Variants in GLIS3 observed in about 807,000 individuals in gnomAD.
GLIS3 encodes the protein GLIS family zinc finger 3, also known as zinc finger protein GLIS3.
A neutral mutation model predicts 78.6 loss-of-function variants in GLIS3; 53 were observed. That is an observed-to-expected ratio of 0.67 (90% CI 0.54 to 0.85). The LOEUF is 0.85. Among genes scored for constraint, GLIS3 ranks in the 40% least tolerant of loss-of-function variants. The probability of loss-of-function intolerance (pLI) is 0.00; values close to 1 mark genes in which losing one functional copy is unlikely to be tolerated. For missense variants in GLIS3, 1,703 were observed against 1,231.1 expected, an observed-to-expected ratio of 1.38 and a Z score of -5.74; for synonymous variants, 684 against 509.9, an observed-to-expected ratio of 1.34 and a Z score of -4.60.
At chr9:4,260,518 G>C (rs369125431) in intron 2 of GLIS3, among the ~76,000 whole-genome samples, 20 of 149,552 alleles carry the variant, frequency 1.3e-4, no homozygotes, top group East Asian at 9.8e-4. Context: ...AGTTAGCCAA[G>C]ATTGTGCCAC....
At chr9:4,190,071 C>T (rs1486285392) in intron 2 of GLIS3, among the ~76,000 whole-genome samples, 1 of 152,040 alleles carries the variant, frequency 6.6e-6, no homozygotes, top group African/African-American at 2.4e-5. Flanking sequence ...GATAAAACCA[C>T]AAAGATGGGG....
At chr9:3,899,830 A>G (rs1415144422) in intron 6 of GLIS3, among the ~76,000 whole-genome samples, 1 of 152,244 alleles carries the variant, frequency 6.6e-6, no homozygotes, top group Non-Finnish European at 1.5e-5. Context: ...GGGGAAGCAG[A>G]TGATGAACAA....
intron 6 of GLIS3, among the ~76,000 whole-genome samples, chr9:3,902,735 C>A (rs1323914414): frequency 2.0e-5 from 3 of 152,122 alleles, no homozygotes; most frequent in Non-Finnish European, 4.4e-5. Flanking sequence ...CCACTAGTCT[C>A]TAAGAATTTT....
chr9:4,105,653 G>A (rs552852221), intron 4 of GLIS3, among the ~76,000 whole-genome samples: 13 of 152,150 alleles, frequency 8.5e-5, no homozygotes, highest in Admixed American at 3.9e-4. Context: ...CATTTTTTCC[G>A]AAGTTCTGAA....
intron 2 of GLIS3, among the ~76,000 whole-genome samples, chr9:4,161,792 C>T (rs553536990): frequency 3.3e-5 from 5 of 151,602 alleles, no homozygotes; most frequent in Non-Finnish European, 5.9e-5. Context: ...CAATCCTCCC[C>T]ACTCAGCCTC....
intron 4 of GLIS3, among the ~76,000 whole-genome samples, chr9:4,110,564 C>T (rs1831126955): frequency 6.6e-6 from 1 of 152,182 alleles, no homozygotes; most frequent in Non-Finnish European, 1.5e-5. Context: ...AAACCCCTAT[C>T]TATGCCAACC....
At chr9:4,383,570 A>T in the GLIS3 span, among the ~76,000 whole-genome samples, 1 of 152,192 alleles carries the variant, frequency 6.6e-6, no homozygotes, top group African/African-American at 2.4e-5. Context: ...ACAAGCTCAA[A>T]CCTGGCTATA....
At chr9:3,925,588 TGTGTGTGCGTGTGCGCGC>T (rs1228855555) in intron 6 of GLIS3, among the ~76,000 whole-genome samples, 1 of 149,922 alleles carries the variant, frequency 6.7e-6, no homozygotes, top group Non-Finnish European at 1.5e-5. Flanking sequence ...ACATGGTCAG[TGTGTGTGCGTGTGCGCGC>T]GTGTGTGTGT....
chr9:3,901,820 G>A (rs1014124389), intron 6 of GLIS3, among the ~76,000 whole-genome samples: 5 of 152,094 alleles, frequency 3.3e-5, no homozygotes, highest in African/African-American at 1.2e-4. Context: ...ACCTTTGGAA[G>A]GTATGTTTGT....
chr9:4,010,837 G>T (rs1026994378), intron 4 of GLIS3, among the ~76,000 whole-genome samples: 1 of 152,160 alleles, frequency 6.6e-6, no homozygotes, highest in East Asian at 1.9e-4. Flanking sequence ...AAACTCTGAC[G>T]TATGAACCCA....
In GLIS3 at chr9:4,000,209, G is replaced by A. The variant is rs564905278; in HGVS notation, c.1711-63020C>T. Among the ~76,000 whole-genome samples the A allele has an allele frequency of 9.2e-5, 14 of 152,282 alleles. 1 individual carries two copies. The South Asian group carries it at 2.9e-3, about 32-fold the overall frequency. On this transcript the variant is annotated intron_variant, in intron 4 of 10. Transcript: ENST00000381971. ...ATGGATAACTCTTGAAAACAATGCT[G>A]AGTGATGAAAGGAAATCACAGAAGA...
At chr9:4,221,066 T>C (rs1821290638) in intron 2 of GLIS3, among the ~76,000 whole-genome samples, 1 of 152,116 alleles carries the variant, frequency 6.6e-6, no homozygotes, top group Admixed American at 6.5e-5. Flanking sequence ...GGATATCTTT[T>C]TTCTTTTTTC....
intron 7 of GLIS3, among the ~76,000 whole-genome samples, chr9:3,893,741 G>T (rs1182303413): frequency 6.6e-6 from 1 of 152,186 alleles, no homozygotes; most frequent in Non-Finnish European, 1.5e-5. Flanking sequence ...TGTCACCTGG[G>T]AACTTGTTAG....
At chr9:3,949,857 GA>G (rs1300223272) in intron 4 of GLIS3, among the ~76,000 whole-genome samples, 1 of 152,172 alleles carries the variant, frequency 6.6e-6, no homozygotes, top group African/African-American at 2.4e-5. Flanking sequence ...GTGGATATAA[GA>G]ATCCAATCTG....
chr9:3,841,310 T>C (rs1389998379), intron 9 of GLIS3, among the ~76,000 whole-genome samples: 1 of 152,178 alleles, frequency 6.6e-6, no homozygotes, highest in East Asian at 1.9e-4. Context: ...ATAATGCACA[T>C]TTGGAAAATA....
At chr9:4,232,906 A>C (rs1227722696) in intron 2 of GLIS3, among the ~76,000 whole-genome samples, 1 of 152,184 alleles carries the variant, frequency 6.6e-6, no homozygotes, top group Non-Finnish European at 1.5e-5. Context: ...TGTTAATCTT[A>C]TTATACCTCC....
At chr9:4,263,183 G>A (rs1005287943) in intron 2 of GLIS3, among the ~76,000 whole-genome samples, 4 of 152,148 alleles carry the variant, frequency 2.6e-5, no homozygotes, top group African/African-American at 7.2e-5. Flanking sequence ...TCAATTCACA[G>A]CATCCTTTGG....
At chr9:4,150,017 T>C (rs1010778752) in intron 2 of GLIS3, among the ~76,000 whole-genome samples, 2 of 151,740 alleles carry the variant, frequency 1.3e-5, no homozygotes, top group South Asian at 2.1e-4. Flanking sequence ...AAGAACATAA[T>C]GCACGTGCGG....
In GLIS3 at chr9:4,321,166, A is replaced by G. The variant is rs934807339; in HGVS notation, n.265-10638T>C. ...CCGGGCGCGGTGGCTCACGCCTGTA[A>G]TCCCAGCACTTTGGGAGGCCGAGGC... On this transcript the variant is annotated intron_variant and non_coding_transcript_variant, in intron 2 of 4. Transcript: ENST00000471664. Among the ~76,000 whole-genome samples the G allele has an allele frequency of 2.6e-5, 4 of 151,254 alleles. No homozygotes were observed. In the East Asian group the frequency reaches 7.8e-4, roughly 30 times the overall value.
Sources: allele counts gnomAD v4.1 joint callset (sites outside exome capture counted in the v4.1 genomes callset), GRCh38; gene constraint gnomAD v4.1.1; transcripts MANE v1.5; gene names NCBI Gene and HGNC (gene_info 2026-07-23, HGNC 2026-07-21).